Variants in RAB27B observed in about 807,000 individuals in gnomAD.
RAB27B encodes RAB27B, member RAS oncogene family.
Under a neutral mutation model 24.6 loss-of-function variants are expected in RAB27B, and 15 were observed. The observed-to-expected ratio is 0.61, with a 90% CI of 0.41 to 0.94. The LOEUF is 0.94. RAB27B is among the 40% of genes least tolerant of loss of function. The pLI is 0.00. For synonymous variants in RAB27B, 105 were observed against 92.5 expected, an observed-to-expected ratio of 1.14 and a Z score of -0.78; for missense variants, 261 against 266.8, an observed-to-expected ratio of 0.98 and a Z score of 0.15.
At chr18:54,731,249 G>A (rs9960127) in intron 2 of RAB27B, among the ~76,000 whole-genome samples, 9,727 of 152,240 alleles carry the variant, frequency 0.064, 399 homozygotes, top group African/African-American at 0.092. Flanking sequence ...GTAAGTACCT[G>A]AAGATGTAGC....
chr18:54,809,805 C>A (rs1909906051), intron 2 of RAB27B, among the ~76,000 whole-genome samples: 1 of 152,130 alleles, frequency 6.6e-6, no homozygotes, highest in South Asian at 2.1e-4. Flanking sequence ...TTAAACAGAT[C>A]CTACATTAAG....
intron 1 of RAB27B, among the ~76,000 whole-genome samples, chr18:54,876,157 G>A (rs950224082): frequency 2.0e-5 from 3 of 152,032 alleles, no homozygotes; most frequent in African/African-American, 7.2e-5. Flanking sequence ...AAAGGGGGAA[G>A]AGCCCCTTAT....
At chr18:54,723,064 C>T (rs1233600554) in intron 2 of RAB27B, among the ~76,000 whole-genome samples, 4 of 152,146 alleles carry the variant, frequency 2.6e-5, no homozygotes, top group Non-Finnish European at 4.4e-5. Flanking sequence ...GACAACTTTC[C>T]AATCTTGTAA....
chr18:54,867,531 C>T (rs1197775895), intron 1 of RAB27B, among the ~76,000 whole-genome samples: 3 of 145,402 alleles, frequency 2.1e-5, no homozygotes, highest in East Asian at 2.0e-4. Context: ...ACTGCAACTT[C>T]CGCCTCTTGG....
In RAB27B at chr18:54,867,471, G is replaced by C. The variant is rs564041865; in HGVS notation, c.-19-10096G>C. The stretch of plus-strand genomic sequence containing the variant: ...TTTTTTTTTTTTTTTTTCTGAGATG[G>C]AGTCTCGCTCTGTTGCCCAGAATGG... On this transcript the variant is annotated intron_variant, in intron 1 of 5. Transcript: ENST00000262094. Among the ~76,000 whole-genome samples the C allele has an allele frequency of 2.4e-5, 3 of 127,164 alleles. No individual in the cohort carries two copies. The East Asian group carries it at 7.0e-4, about 30-fold the overall frequency. The allele number at this position is 127,164 out of a possible 152,430, so 83.4% of individuals were successfully genotyped here.
intron 1 of RAB27B, among the ~76,000 whole-genome samples, chr18:54,849,457 C>T (rs1482667875): frequency 1.3e-5 from 2 of 152,218 alleles, no homozygotes; most frequent in Non-Finnish European, 2.9e-5. Context: ...GTGGCTCATG[C>T]CTGTAATCCC....
At chr18:54,863,567 G>T (rs952322357) in intron 1 of RAB27B, among the ~76,000 whole-genome samples, 1 of 152,036 alleles carries the variant, frequency 6.6e-6, no homozygotes, top group Non-Finnish European at 1.5e-5. Context: ...ACAGTTCAGT[G>T]TTTTTTTAGA....
chr18:54,765,721 C>T (rs1404576213), intron 2 of RAB27B, among the ~76,000 whole-genome samples: 2 of 152,130 alleles, frequency 1.3e-5, no homozygotes, highest in African/African-American at 4.8e-5. Context: ...TTCTTCCTTT[C>T]CTTTCCCCAT....
intron 2 of RAB27B, among the ~76,000 whole-genome samples, chr18:54,805,935 CG>C (rs1263677428): frequency 1.3e-5 from 2 of 152,094 alleles, no homozygotes; most frequent in African/African-American, 4.8e-5. Flanking sequence ...ATTGATTACT[CG>C]TAAGTTGAGA....
intron 2 of RAB27B, among the ~76,000 whole-genome samples, chr18:54,755,314 T>C (rs1598881125): frequency 6.6e-6 from 1 of 152,194 alleles, no homozygotes; most frequent in South Asian, 2.1e-4. Context: ...CACTTGGACC[T>C]GGGAGGCAGA....
chr18:54,888,456 CA>C (rs1305209969), intron 5 of RAB27B, among the ~76,000 whole-genome samples: 6 of 152,062 alleles, frequency 3.9e-5, no homozygotes, highest in African/African-American at 1.4e-4. Flanking sequence ...TAGTGACAGG[CA>C]GAGCTTAAAC....
chr18:54,760,856 G>A (rs979702414), intron 2 of RAB27B, among the ~76,000 whole-genome samples: 8 of 152,092 alleles, frequency 5.3e-5, no homozygotes, highest in African/African-American at 1.9e-4. Context: ...GGGAGATAAA[G>A]CATTACAGCT....
intron 1 of RAB27B, among the ~76,000 whole-genome samples, chr18:54,856,517 T>C (rs1911791074): frequency 6.6e-6 from 1 of 152,180 alleles, no homozygotes; most frequent in Non-Finnish European, 1.5e-5. Flanking sequence ...ATGTGGAGAA[T>C]GGATGGGGCA....
chr18:54,767,547 G>A (rs1908402522), intron 2 of RAB27B, among the ~76,000 whole-genome samples: 1 of 152,120 alleles, frequency 6.6e-6, no homozygotes, highest in South Asian at 2.1e-4. Flanking sequence ...TTGTATCAAG[G>A]TGTTCATAAA....
chr18:54,812,937 G>A (rs1232057657), intron 2 of RAB27B, among the ~76,000 whole-genome samples: 2 of 152,148 alleles, frequency 1.3e-5, no homozygotes, highest in African/African-American at 4.8e-5. Context: ...CTCAGCCTGA[G>A]AAATAGAGTG....
intron 2 of RAB27B, among the ~76,000 whole-genome samples, chr18:54,768,439 C>T (rs1016155788): frequency 6.6e-6 from 1 of 152,058 alleles, no homozygotes. Flanking sequence ...TTTTCCTACT[C>T]TTTATGTATA....
intron 2 of RAB27B, among the ~76,000 whole-genome samples, chr18:54,806,460 TTATA>T (rs1909792658): frequency 6.8e-6 from 1 of 147,082 alleles, no homozygotes; most frequent in East Asian, 1.9e-4. Context: ...TGTTATATAT[TTATA>T]TATAATGATA....
chr18:54,861,229 A>G (rs1173166979), intron 1 of RAB27B, among the ~76,000 whole-genome samples: 1 of 152,240 alleles, frequency 6.6e-6, no homozygotes, highest in East Asian at 1.9e-4. Flanking sequence ...TTTGCAAGTA[A>G]TAGGCCAATG....
intron 2 of RAB27B, among the ~76,000 whole-genome samples, chr18:54,797,555 A>G (rs2145123393): frequency 6.6e-6 from 1 of 152,258 alleles, no homozygotes; most frequent in African/African-American, 2.4e-5. Context: ...AAAAACATCC[A>G]TTTCTTTGTT....
Sources: allele counts gnomAD v4.1 joint callset (sites outside exome capture counted in the v4.1 genomes callset), GRCh38; gene constraint gnomAD v4.1.1; transcripts MANE v1.5; gene names NCBI Gene and HGNC (gene_info 2026-07-23, HGNC 2026-07-21).